The following MDM2 variants were observed in gnomAD, a reference collection of about 807,000 sequenced individuals.
The protein encoded by MDM2 is MDM2 proto-oncogene.
MDM2 carries 11 observed loss-of-function variants against 64.3 expected under a neutral mutation model. The observed-to-expected ratio is 0.17, with a 90% CI of 0.11 to 0.28. The LOEUF is 0.28. MDM2 is among the 10% of genes least tolerant of loss of function. MDM2 has a pLI of 1.00. For synonymous variants in MDM2, 194 were observed against 192.9 expected, an observed-to-expected ratio of 1.01 and a Z score of -0.05; for missense variants, 388 against 577.1, an observed-to-expected ratio of 0.67 and a Z score of 3.36.
chr12:68,833,126 C>CAAA (rs35815088), intron 8 of MDM2, among the ~76,000 whole-genome samples: 6 of 61,752 alleles, frequency 9.7e-5, no homozygotes, highest in Admixed American at 6.1e-4. Context: ...ACTCTGTCTC[C>CAAA]AAAAAAAAAA....
rs1216116155 is a variant in MDM2, at chr12:68,841,417, T to G, written c.*1568T>G. The G allele has an allele frequency of 2.9e-5, 6 of 206,936 alleles. No homozygotes were observed. In the East Asian group the frequency reaches 4.4e-4, roughly 15 times the overall value. 12.8% of individuals were successfully genotyped at this position (206,936 alleles called of 1,614,324 possible). A position where few individuals can be genotyped will look rare whatever the true frequency, so the allele number is the denominator to read the frequency against. ...CACCCGGCTGTAAAAATGTACTTAT[T>G]CTCCAGCCTCTTTTGTATAAACCAT... is the stretch of plus-strand genomic sequence containing the variant. On this transcript the variant is annotated 3_prime_UTR_variant, in exon 11 of 11. Coordinates refer to ENST00000258149, the MANE Select transcript of MDM2 (RefSeq NM_002392.6).
intron 10 of MDM2, among the ~76,000 whole-genome samples, chr12:68,838,239 T>G (rs1356600774): frequency 2.0e-5 from 3 of 152,218 alleles, no homozygotes; most frequent in Non-Finnish European, 4.4e-5. Context: ...TACCTCTTAC[T>G]TAAGAGTTTT....
At chr12:68,838,857 GA>G (rs1263120447) in intron 10 of MDM2, among the ~76,000 whole-genome samples, 1 of 151,950 alleles carries the variant, frequency 6.6e-6, no homozygotes, top group Non-Finnish European at 1.5e-5. Context: ...TGGTAAGGGT[GA>G]AAAAAATGGG....
rs1300218646 is a variant in MDM2 at position 68,840,154 on chromosome 12, A to AT, written c.*313dup. The AT allele has an allele frequency of 9.8e-5, 28 of 284,772 alleles. No homozygotes were observed. Among genetic ancestry groups the AT allele is most frequent in the Non-Finnish European group, 1.2e-4 (18 of 153,292 alleles). The allele number at this position is 284,772 out of a possible 1,614,324, so 17.6% of individuals were successfully genotyped here. On this transcript the variant is annotated 3_prime_UTR_variant, in exon 11 of 11. Coordinates refer to ENST00000258149, the MANE Select transcript of MDM2 (RefSeq NM_002392.6). The stretch of plus-strand genomic sequence containing the variant: ...ATATGACATTTAAATGTAACTTATT[A>AT]TTTTTTTTGAGACCGAGTCTTGCTC...
At chr12:68,810,542 A>G (rs908127225) in intron 2 of MDM2, among the ~76,000 whole-genome samples, 1 of 151,400 alleles carries the variant, frequency 6.6e-6, no homozygotes, top group Non-Finnish European at 1.5e-5. Context: ...GCTCACTGCA[A>G]TCTCCGTTCC....
At chr12:68,822,909 T>A (rs1881987449) in intron 5 of MDM2, among the ~76,000 whole-genome samples, 1 of 151,964 alleles carries the variant, frequency 6.6e-6, no homozygotes, top group Non-Finnish European at 1.5e-5. Flanking sequence ...TCCGGTTAAT[T>A]TTTGTATTTT....
chr12:68,813,183 A>G (rs775223325), intron 2 of MDM2, among the ~76,000 whole-genome samples: 46 of 152,190 alleles, frequency 3.0e-4, no homozygotes, highest in Non-Finnish European at 6.0e-4. Context: ...ATCTTTAGAA[A>G]GAGAAGATTG....
chr12:68,808,815 C>G (rs1366481536), intron 1 of MDM2: 8 of 720,580 alleles, frequency 1.1e-5, no homozygotes, highest in African/African-American at 9.6e-5. Flanking sequence ...GCGGGAGGTC[C>G]GGATGATCGC....
intron 3 of MDM2, among the ~76,000 whole-genome samples, chr12:68,816,362 CTTTTTTTTTTTTT>C (rs62874563): frequency 9.8e-5 from 6 of 61,064 alleles, no homozygotes; most frequent in Non-Finnish European, 1.1e-4. Flanking sequence ...TTAAAAGTAG[CTTTTTTTTTTTTT>C]TTTTTTTTTT....
At chr12:68,847,196 T>TTATATATATATATATGTATATATA (rs1884367537), downstream of MDM2, 1 of 92,080 alleles carries the variant, frequency 1.1e-5, no homozygotes, top group Non-Finnish European at 2.1e-5. Flanking sequence ...TGTGTGTACA[T>TTATATATATATATATGTATATATA]TATATATATA....
downstream of MDM2, chr12:68,847,164 CAT>C (rs1260462412): frequency 3.8e-5 from 3 of 78,202 alleles, no homozygotes; most frequent in South Asian, 2.9e-4. Flanking sequence ...ATATATAATA[CAT>C]ATGTGTTTAT....
At position 68,845,414 on chromosome 12, in the gene MDM2, TAAAAC is replaced by T. The variant is rs1884210235; in HGVS notation, c.*5566_*5570del. The T allele has an allele frequency of 1.4e-5, 3 of 208,288 alleles. No individual in the cohort carries two copies. In the East Asian group the frequency reaches 2.2e-4, roughly 15 times the overall value. 12.9% of individuals were successfully genotyped at this position (208,288 alleles called of 1,614,324 possible). A position where few individuals can be genotyped will look rare whatever the true frequency, so the allele number is the denominator to read the frequency against. On this transcript the variant is annotated 3_prime_UTR_variant, in exon 11 of 11. Transcript: ENST00000258149. Reference sequence around the variant, plus strand: ...ATGAGCTAACAAACGAAAGGCAAAATAAAACCGTAAAGCAAGCAGATGGGAGGCGT... The same window carrying T: ...ATGAGCTAACAAACGAAAGGCAAAATCGTAAAGCAAGCAGATGGGAGGCGT...
intron 7 of MDM2, among the ~76,000 whole-genome samples, chr12:68,825,380 G>T (rs752689660): frequency 2.6e-5 from 4 of 151,856 alleles, no homozygotes; most frequent in Non-Finnish European, 4.4e-5. Context: ...AGGGCCGGGC[G>T]CAGTGGCTCA....
chr12:68,850,448 C>T (rs1884616750), downstream of MDM2: 2 of 152,074 alleles, frequency 1.3e-5, no homozygotes, highest in South Asian at 4.2e-4. Flanking sequence ...AAAATTGGTA[C>T]CTGTAATTTA....
intron 2 of MDM2, among the ~76,000 whole-genome samples, chr12:68,810,893 T>A (rs1156437879): frequency 6.6e-6 from 1 of 152,112 alleles, no homozygotes; most frequent in Non-Finnish European, 1.5e-5. Context: ...GAGACAGAGT[T>A]TCACTCCTGT....
rs771497253 is a variant in MDM2, at chr12:68,808,517, C to T, written c.14+26C>T. ...GTACTGGCCCGGCAGCGAGCGGTCA[C>T]TTTTGGGTCTGGGCTCTGACGGTGT... On this transcript the variant is annotated intron_variant, in intron 1 of 10. Transcript: ENST00000258149. The T allele has an allele frequency of 1.6e-5, 26 of 1,613,980 alleles. No homozygotes were observed. In the South Asian group the frequency reaches 1.9e-4, roughly 12 times the overall value.
chr12:68,829,776 A>AG (rs1882645040), intron 8 of MDM2, among the ~76,000 whole-genome samples: 1 of 152,052 alleles, frequency 6.6e-6, no homozygotes, highest in East Asian at 1.9e-4. Flanking sequence ...AAAAAAAAAA[A>AG]AAAAAAATGC....
intron 1 of MDM2, among the ~76,000 whole-genome samples, 159 bp downstream of exon 1, chr12:68,808,650 A>G (rs1348989268): frequency 2.5e-5 from 3 of 121,304 alleles, no homozygotes; most frequent in Admixed American, 8.6e-5. Flanking sequence ...GGCTTTGCGG[A>G]GGTTTTGTTG....
At chr12:68,823,219 G>A (rs1483226678) in intron 5 of MDM2, among the ~76,000 whole-genome samples, 1 of 151,722 alleles carries the variant, frequency 6.6e-6, no homozygotes, top group African/African-American at 2.4e-5. Flanking sequence ...TAATGTCCAG[G>A]CATGAGTTCA....
Sources: gnomAD v4.1 joint callset for allele counts (sites outside exome capture counted in the v4.1 genomes callset) on GRCh38, gnomAD v4.1.1 for gene constraint, MANE v1.5 for transcripts, NCBI Gene and HGNC (gene_info 2026-07-23, HGNC 2026-07-21) for gene names.